Variants in ULK4 observed in about 807,000 individuals in gnomAD.
ULK4 encodes unc-51 like kinase 4.
In ULK4, 133 loss-of-function variants were observed where a neutral mutation model predicts 160.6. That is an observed-to-expected ratio of 0.83 (90% CI 0.72 to 0.96). The LOEUF (loss-of-function observed/expected upper bound fraction) is 0.96, where lower values mean the gene tolerates loss of function less well. ULK4 is among the 40% of genes least tolerant of loss of function. The probability of loss-of-function intolerance (pLI) is 0.00; values close to 1 mark genes in which losing one functional copy is unlikely to be tolerated. For synonymous variants in ULK4, 534 were observed against 539.8 expected (o/e 0.99, Z 0.15); for missense variants, 1,580 against 1,499.5 (o/e 1.05, Z -0.89).
At chr3:41,589,737 ACT>A (rs1412569445) in intron 31 of ULK4, among the ~76,000 whole-genome samples, 1 of 152,090 alleles carries the variant, frequency 6.6e-6, no homozygotes, top group African/African-American at 2.4e-5. Flanking sequence ...AAAATCCAAC[ACT>A]CTTTAGAAAA....
chr3:41,789,107 G>A (rs1476706905), intron 21 of ULK4, among the ~76,000 whole-genome samples: 1 of 152,144 alleles, frequency 6.6e-6, no homozygotes, highest in Non-Finnish European at 1.5e-5. Flanking sequence ...CTTTGAGAAA[G>A]GCTACTAGAG....
In ULK4 at chr3:41,246,999, GA is replaced by G; in HGVS notation, c.3765-8del. 1 of 1,613,518 alleles carries G rather than the reference GA, an allele frequency of 6.2e-7. No individual in the cohort carries two copies. Among genetic ancestry groups the G allele is most frequent in the Non-Finnish European group, 8.5e-7 (1 of 1,179,782 alleles). ...CGCACTGTCGGCAAATGAACTGTAA[GA>G]AAAACCAAAGTAGGTACACTTAATA... On this transcript the variant is annotated splice_polypyrimidine_tract_variant and splice_region_variant and intron_variant, in intron 36 of 36. Transcript: ENST00000301831.
chr3:41,604,071 G>C (rs903739822), intron 31 of ULK4, among the ~76,000 whole-genome samples: 1 of 152,000 alleles, frequency 6.6e-6, no homozygotes, highest in Non-Finnish European at 1.5e-5. Context: ...CTATGAAAAT[G>C]GAAGGTTCAG....
chr3:41,317,083 T>TC (rs1291418179), intron 35 of ULK4, among the ~76,000 whole-genome samples: 1 of 136,492 alleles, frequency 7.3e-6, no homozygotes, highest in South Asian at 2.5e-4. Context: ...TTTTTTTTTT[T>TC]TTTGAGACGG....
intron 2 of ULK4, among the ~76,000 whole-genome samples, chr3:41,938,721 T>C (rs1699860406): frequency 6.6e-6 from 1 of 152,126 alleles, no homozygotes; most frequent in African/African-American, 2.4e-5. Context: ...ACTTGTGTAA[T>C]ACTCTTATGT....
intron 35 of ULK4, among the ~76,000 whole-genome samples, chr3:41,273,290 T>G: frequency 6.6e-6 from 1 of 152,200 alleles, no homozygotes; most frequent in East Asian, 1.9e-4. Flanking sequence ...TTATTTCCCC[T>G]GTTGAGGCAA....
chr3:41,639,659 C>T (rs1053671338), intron 30 of ULK4, among the ~76,000 whole-genome samples: 3 of 152,054 alleles, frequency 2.0e-5, no homozygotes, highest in African/African-American at 7.2e-5. Context: ...ACCTGGGAGG[C>T]GGAGGTTGCA....
intron 9 of ULK4, 115 bp from the exon 10 acceptor site, chr3:41,911,774 T>C: frequency 1.3e-6 from 1 of 768,662 alleles, no homozygotes; most frequent in East Asian, 2.5e-5. Context: ...TTTAGCAAAG[T>C]TACAGAATCT....
In ULK4 at chr3:41,463,156, G is replaced by C. The variant is rs2083733913; in HGVS notation, c.3324C>G (p.Leu1108=). ...KNNNEMAAPL[L]FSLLDILHSM... ...TGTGCAAAATATCAAGCAGGGAAAA[G>C]AGCAGTGGAGCTGCCATCTCATTGT... The change falls in exon 33 of 37, where the codon CTC becomes CTG. Residue 1108 remains leucine (L), a synonymous_variant. Transcript: ENST00000301831. 6.2e-7 allele frequency: 1 copy of C among 1,613,788 alleles called. No individual in the cohort carries two copies. Among genetic ancestry groups the C allele is most frequent in the South Asian group, 1.1e-5 (1 of 91,062 alleles).
In ULK4 at chr3:41,660,742, T is replaced by C. The variant is rs1195080621; in HGVS notation, c.3071+2865A>G. The stretch of plus-strand genomic sequence containing the variant: ...CATAACTGACATGAGGCAAGACTTA[T>C]TTTAACGCTGTTTTTCAAGAAAAGC... On this transcript the variant is annotated intron_variant, in intron 30 of 36. Coordinates refer to ENST00000301831, the MANE Select transcript of ULK4 (RefSeq NM_017886.4). 2.6e-5 allele frequency among the ~76,000 whole-genome samples: 4 copies of C among 152,276 alleles called. No individual in the cohort carries two copies. The South Asian group carries it at 8.3e-4, about 32-fold the overall frequency.
chr3:41,901,697 C>G (rs113868015), intron 12 of ULK4, among the ~76,000 whole-genome samples: 3 of 150,416 alleles, frequency 2.0e-5, no homozygotes, highest in African/African-American at 7.3e-5. Context: ...CCAGGCTGGT[C>G]TCGAACTCCT....
At chr3:41,559,292 T>C (rs976464081) in intron 32 of ULK4, among the ~76,000 whole-genome samples, 3 of 118,986 alleles carry the variant, frequency 2.5e-5, no homozygotes, top group African/African-American at 5.2e-5. Flanking sequence ...GACATTTGGA[T>C]TGGTTCCAAG....
intron 35 of ULK4, among the ~76,000 whole-genome samples, chr3:41,254,480 A>AG (rs1313854328): frequency 6.6e-6 from 1 of 152,236 alleles, no homozygotes; most frequent in Non-Finnish European, 1.5e-5. Context: ...AGCATCTGGA[A>AG]GGGGGCTAAA....
intron 21 of ULK4, among the ~76,000 whole-genome samples, chr3:41,774,252 CA>C (rs1443248646): frequency 1.3e-4 from 19 of 151,302 alleles, no homozygotes; most frequent in African/African-American, 4.7e-4. Context: ...AGCTTCTGCA[CA>C]GCAAAAGAAA....
At chr3:41,898,587 G>A in intron 13 of ULK4, 95 bp from the exon 14 acceptor site, 60 of 718,412 alleles carry the variant, frequency 8.4e-5, no homozygotes, top group Middle Eastern at 2.7e-4. Flanking sequence ...AAATCAATGA[G>A]GACAAAAAAA....
chr3:41,737,152 A>C (rs1237436099), intron 22 of ULK4, among the ~76,000 whole-genome samples: 6 of 151,948 alleles, frequency 3.9e-5, no homozygotes, highest in Non-Finnish European at 7.4e-5. Flanking sequence ...AGCTGATAAG[A>C]AACTTCAGCA....
intron 17 of ULK4, among the ~76,000 whole-genome samples, chr3:41,857,877 CA>C (rs1160546663): frequency 1.3e-5 from 2 of 151,766 alleles, no homozygotes; most frequent in Non-Finnish European, 2.9e-5. Context: ...TAAAGTTTGT[CA>C]TTTTGTTTTA....
intron 17 of ULK4, among the ~76,000 whole-genome samples, chr3:41,859,173 G>A (rs530637499): frequency 6.3e-4 from 96 of 152,162 alleles, no homozygotes; most frequent in Non-Finnish European, 1.1e-3. Flanking sequence ...AAAAGTGAAG[G>A]AAAAAACACT....
intron 33 of ULK4, among the ~76,000 whole-genome samples, chr3:41,459,127 C>T (rs2083623284): frequency 6.6e-6 from 1 of 152,196 alleles, no homozygotes; most frequent in South Asian, 2.1e-4. Flanking sequence ...TCTCGGTTCA[C>T]TGAAACCTCC....
Sources: allele counts gnomAD v4.1 joint callset (sites outside exome capture counted in the v4.1 genomes callset), GRCh38; gene constraint gnomAD v4.1.1; transcripts MANE v1.5; gene names NCBI Gene and HGNC (gene_info 2026-07-23, HGNC 2026-07-21).